Variants in PM20D2 observed in about 807,000 individuals in gnomAD.
PM20D2 encodes peptidase M20 domain containing 2, also known as xaa-Arg dipeptidase.
In PM20D2, 33 loss-of-function variants were observed where a neutral mutation model predicts 42.9. The ratio of observed to expected loss-of-function variants is 0.77; its 90% CI spans 0.58 to 1.03. The LOEUF (loss-of-function observed/expected upper bound fraction) is 1.03. PM20D2 is among the 50% of genes least tolerant of loss of function. The probability of loss-of-function intolerance (pLI) is 0.00; values close to 1 mark genes in which losing one functional copy is unlikely to be tolerated. For missense variants in PM20D2, 548 were observed against 557.0 expected, an observed-to-expected ratio of 0.98 and a Z score of 0.16; for synonymous variants, 250 against 228.2, an observed-to-expected ratio of 1.10 and a Z score of -0.86.
At chr6:89,132,186 A>C in the PM20D2 span, among the ~76,000 whole-genome samples, 1 of 152,156 alleles carries the variant, frequency 6.6e-6, no homozygotes, top group Non-Finnish European at 1.5e-5. Context: ...TGATGGTTGA[A>C]GTTACAGGGA....
rs1397772590 is a variant in PM20D2 at position 89,162,225 on chromosome 6, A to T, written c.1273A>T (p.Lys425Ter). 6.2e-7 allele frequency: 1 copy of T among 1,614,062 alleles called. No homozygotes were observed. Among genetic ancestry groups the T allele is most frequent in the Admixed American group, 1.7e-5 (1 of 60,006 alleles). The change falls in exon 7 of 7, where the codon AAA (lysine) becomes TAA (stop). Residue 425 changes from lysine (K) to a stop codon, truncating the protein, a stop_gained. Coordinates refer to ENST00000275072, the MANE Select transcript of PM20D2 (RefSeq NM_001010853.3). LOFTEE classifies it high-confidence loss of function. Reference protein sequence around the residue: ...LEGIREDFKLKLQEEQFVNAV... With the variant: ...LEGIREDFKL Reference sequence around the variant, plus strand: ...AGGAATCAGAGAGGACTTTAAACTGAAACTTCAAGAAGAACAGTTTGTAAA... The same window carrying T: ...AGGAATCAGAGAGGACTTTAAACTGTAACTTCAAGAAGAACAGTTTGTAAA...
chr6:89,099,613 G>A, the PM20D2 span, among the ~76,000 whole-genome samples: 47 of 147,460 alleles, frequency 3.2e-4, 3 homozygotes, highest in Admixed American at 1.4e-4. Flanking sequence ...TCAGCTCACC[G>A]CAACCTCCGC....
Position 89,162,350 on chromosome 6 carries a change from T to C in PM20D2, c.*87T>C, listed in dbSNP as rs1582356714. On this transcript the variant is annotated 3_prime_UTR_variant, in exon 7 of 7. Transcript: ENST00000275072. ...TAATGAAGGCATGCTTGTTTTTTAA[T>C]CTTAAAGGAGTAAAATTCTTTTTAC... 3 of 1,324,940 alleles carry C rather than the reference T, an allele frequency of 2.3e-6. No individual in the cohort carries two copies. The highest frequency in any genetic ancestry group is 2.4e-5 in the East Asian group (1 of 41,400). 82.1% of individuals were successfully genotyped at this position (1,324,940 alleles called of 1,614,324 possible).
Position 89,146,059 on chromosome 6 carries a change from A to G in PM20D2, c.-86A>G. On this transcript the variant is annotated 5_prime_UTR_variant, in exon 1 of 7. Coordinates refer to ENST00000275072, the MANE Select transcript of PM20D2 (RefSeq NM_001010853.3). The stretch of plus-strand genomic sequence containing the variant: ...CGTGCGCGCTCCGCCGGGGTCCTGG[A>G]GGCCTCTGGGCGCGTGCGCGGGCGG... 3 of 1,195,590 alleles carry G rather than the reference A, an allele frequency of 2.5e-6. No homozygotes were observed. The highest frequency in any genetic ancestry group is 3.3e-6 in the Non-Finnish European group (3 of 921,894). The allele number at this position is 1,195,590 out of a possible 1,614,324, so 74.1% of individuals were successfully genotyped here.
Position 89,155,288 on chromosome 6 carries a change from T to C in PM20D2, c.912+386T>C, listed in dbSNP as rs9362620. Among the ~76,000 whole-genome samples the C allele has an allele frequency of 3.9e-5, 3 of 76,736 alleles. No individual in the cohort carries two copies. The Admixed American group carries it at 4.9e-4, about 13-fold the overall frequency. The allele number at this position is 76,736 out of a possible 152,430, so 50.3% of individuals were successfully genotyped here. A position where few individuals can be genotyped will look rare whatever the true frequency, so the allele number is the denominator to read the frequency against. ...TTTTTTTTTTTTTTTTTTTTTTTGGTGGGGGGACAGGGTGTTGCTCTATTG... is the reference window on the plus strand; with the variant it reads ...TTTTTTTTTTTTTTTTTTTTTTTGGCGGGGGGACAGGGTGTTGCTCTATTG... On this transcript the variant is annotated intron_variant, in intron 4 of 6. Coordinates refer to ENST00000275072, the MANE Select transcript of PM20D2 (RefSeq NM_001010853.3).
chr6:89,098,447 T>G, the PM20D2 span: 1 of 1,184,932 alleles, frequency 8.4e-7, no homozygotes, highest in Non-Finnish European at 1.1e-6. Context: ...CTAGAGATTT[T>G]ATTTCTTCCA....
rs1389390889 is a variant in PM20D2, at chr6:89,164,812, G to A, written c.*2549G>A. On this transcript the variant is annotated 3_prime_UTR_variant, in exon 7 of 7. Coordinates refer to ENST00000275072, the MANE Select transcript of PM20D2 (RefSeq NM_001010853.3). Reference sequence around the variant, plus strand: ...CTTCTCTTTTACATAAATTGTTTGTGAAAAGTGTGCTCAACTTTTTTACAA... The same window carrying A: ...CTTCTCTTTTACATAAATTGTTTGTAAAAAGTGTGCTCAACTTTTTTACAA... 6.6e-6 allele frequency: 1 copy of A among 151,144 alleles called. No individual in the cohort carries two copies. The highest frequency in any genetic ancestry group is 1.5e-5 in the Non-Finnish European group (1 of 67,800). The allele number at this position is 151,144 out of a possible 1,614,324, so 9.4% of individuals were successfully genotyped here.
At chr6:89,110,080 G>C in the PM20D2 span, among the ~76,000 whole-genome samples, 1 of 150,298 alleles carries the variant, frequency 6.7e-6, no homozygotes, top group Non-Finnish European at 1.5e-5. Context: ...AACAGAGCAA[G>C]ACTCTGTCTC....
chr6:89,151,964 G>A (rs978420419), intron 2 of PM20D2, among the ~76,000 whole-genome samples: 4 of 152,046 alleles, frequency 2.6e-5, no homozygotes, highest in African/African-American at 9.7e-5. Context: ...GAGCACTCCT[G>A]TGGTCTCAGC....
the PM20D2 span, among the ~76,000 whole-genome samples, chr6:89,140,288 CTT>C: frequency 0.026 from 3,919 of 152,230 alleles, 152 homozygotes; most frequent in African/African-American, 0.083. Flanking sequence ...TTATTAATGA[CTT>C]ATCACATTTT....
upstream of PM20D2, among the ~76,000 whole-genome samples, chr6:89,145,410 T>C (rs1770492617): frequency 6.6e-6 from 1 of 152,236 alleles, no homozygotes; most frequent in Non-Finnish European, 1.5e-5. Context: ...GAATATTTAC[T>C]ACCATAAATC....
At chr6:89,161,224 A>G (rs1771222490) in intron 5 of PM20D2, among the ~76,000 whole-genome samples, 1 of 152,234 alleles carries the variant, frequency 6.6e-6, no homozygotes, top group Admixed American at 6.5e-5. Flanking sequence ...AAGACATCCA[A>G]GAGAAGATAC....
rs770480965 is a variant in PM20D2, at chr6:89,146,314, A to G, written c.170A>G (p.His57Arg). ...SQPELAYEEH[H>R]AHRVLTHFFE... ...CCCGAGCTGGCCTACGAGGAGCACC[A>G]TGCCCACCGCGTGCTGACGCACTTC... The change falls in exon 1 of 7, where the codon CAT (histidine) becomes CGT (arginine). Residue 57 changes from histidine (H) to arginine (R), a missense_variant. By Grantham distance (29) the His-to-Arg change is conservative. Around this residue, in one of 3 missense-constraint regions of PM20D2, gnomAD observed 470 missense variants for 464.4 expected, o/e 1.01. Coordinates refer to ENST00000275072, the MANE Select transcript of PM20D2 (RefSeq NM_001010853.3). 29 of 1,579,924 alleles carry G rather than the reference A, an allele frequency of 1.8e-5. No individual in the cohort carries two copies. Among genetic ancestry groups the G allele is most frequent in the Non-Finnish European group, 2.5e-5 (29 of 1,171,322 alleles).
intron 4 of PM20D2, 99 bp downstream of exon 4, chr6:89,155,001 CAT>C: frequency 1.8e-6 from 2 of 1,100,982 alleles, no homozygotes; most frequent in East Asian, 2.8e-5. Flanking sequence ...TATTTGGTGA[CAT>C]GTTGAATATG....
chr6:89,120,614 G>A, the PM20D2 span, among the ~76,000 whole-genome samples: 1 of 152,018 alleles, frequency 6.6e-6, no homozygotes, highest in Non-Finnish European at 1.5e-5. Flanking sequence ...CCTGTATCCT[G>A]GTGCTGTGGG....
chr6:89,123,380 AT>A, the PM20D2 span, among the ~76,000 whole-genome samples: 1 of 152,120 alleles, frequency 6.6e-6, no homozygotes, highest in South Asian at 2.1e-4. Flanking sequence ...GCTCACTTTT[AT>A]TTAAAAAGAA....
the PM20D2 span, chr6:89,107,338 C>T: frequency 1.8e-6 from 2 of 1,081,666 alleles, no homozygotes; most frequent in Non-Finnish European, 2.7e-6. Context: ...CACTTGAAAC[C>T]TTCAAAAGAA....
the PM20D2 span, among the ~76,000 whole-genome samples, chr6:89,113,722 C>T: frequency 6.6e-6 from 1 of 152,204 alleles, no homozygotes; most frequent in South Asian, 2.1e-4. Flanking sequence ...TGACTCACTG[C>T]AGCCTCGACC....
At chr6:89,109,537 A>G in the PM20D2 span, among the ~76,000 whole-genome samples, 1 of 152,188 alleles carries the variant, frequency 6.6e-6, no homozygotes, top group East Asian at 1.9e-4. Flanking sequence ...CCATCAACCA[A>G]ATGTAGTGGC....
Sources: allele counts gnomAD v4.1 joint callset (sites outside exome capture counted in the v4.1 genomes callset), GRCh38; gene constraint gnomAD v4.1.1; regional missense constraint gnomAD v4.1.1; transcripts MANE v1.5; gene names NCBI Gene and HGNC (gene_info 2026-07-23, HGNC 2026-07-21).